OSBPL9: variants seen among roughly 807,000 people sequenced by gnomAD.
The protein encoded by OSBPL9 is oxysterol-binding protein-related protein 9.
A neutral mutation model predicts 106.6 loss-of-function variants in OSBPL9; 40 were observed. The observed-to-expected ratio is 0.38, with a 90% CI of 0.29 to 0.49. The LOEUF (loss-of-function observed/expected upper bound fraction) is 0.49. Among genes scored for constraint, OSBPL9 ranks in the 20% least tolerant of loss-of-function variants. OSBPL9 has a pLI of 0.97. For synonymous variants in OSBPL9, 269 were observed against 295.4 expected (o/e 0.91, Z 0.92); for missense variants, 609 against 887.2 (o/e 0.69, Z 3.98).
At chr1:51,713,980 T>A (rs770814594) in intron 3 of OSBPL9, 23 bp from the exon 4 acceptor site, 3 of 1,563,126 alleles carry the variant, frequency 1.9e-6, no homozygotes, top group Non-Finnish European at 2.6e-6. Flanking sequence ...CTTTTAATTT[T>A]AATGTATAAT....
At chr1:51,632,930 A>AT (rs1645197292) in intron 1 of OSBPL9, among the ~76,000 whole-genome samples, 1 of 152,050 alleles carries the variant, frequency 6.6e-6, no homozygotes, top group Admixed American at 6.5e-5. Flanking sequence ...GTTAGACTTG[A>AT]TTAAAAAAAA....
chr1:51,728,741 C>T (rs948261221), intron 4 of OSBPL9, among the ~76,000 whole-genome samples: 1 of 152,098 alleles, frequency 6.6e-6, no homozygotes, highest in Admixed American at 6.5e-5. Context: ...CTCCTGGCCT[C>T]GAATCCTCCC....
In OSBPL9 at chr1:51,729,783, G is replaced by A; in HGVS notation, c.318+15704G>A. On this transcript the variant is annotated intron_variant, in intron 4 of 23. Transcript: ENST00000428468. The surrounding 1 kb of genome is among the most constrained non-coding windows in gnomAD (Gnocchi z 5.1). The stretch of plus-strand genomic sequence containing the variant: ...GCCAGCCAATCGGGGCGACCCCTCC[G>A]CCGGGGAGGGGACGGGAAAGGGGTG... 8.2e-7 allele frequency: 1 copy of A among 1,219,726 alleles called. No individual in the cohort carries two copies. The allele number at this position is 1,219,726 out of a possible 1,614,324, so 75.6% of individuals were successfully genotyped here.
At chr1:51,776,773 TTA>T in intron 14 of OSBPL9, 58 bp from the exon 15 acceptor site, 72 of 1,113,604 alleles carry the variant, frequency 6.5e-5, no homozygotes, top group Non-Finnish European at 8.6e-5. Context: ...TTTTTTTTTT[TTA>T]GTCTGTTTAT....
intron 20 of OSBPL9, chr1:51,785,443 C>T (rs1304185254): frequency 5.0e-6 from 1 of 201,774 alleles, no homozygotes; most frequent in Admixed American, 5.9e-5. Context: ...CCCTGACCCC[C>T]AGTGCCCATG....
At chr1:51,589,038 A>G (rs1487599231) in intron 1 of OSBPL9, among the ~76,000 whole-genome samples, 1 of 152,040 alleles carries the variant, frequency 6.6e-6, no homozygotes, top group Non-Finnish European at 1.5e-5. Context: ...AGTGTTCTAT[A>G]TATTGATTGT....
In OSBPL9 at chr1:51,789,181, A is replaced by G. The variant is rs1387638345; in HGVS notation, c.*1392A>G. The G allele has an allele frequency of 6.5e-7, 1 of 1,533,634 alleles. No homozygotes were observed. Among genetic ancestry groups the G allele is most frequent in the African/African-American group, 1.4e-5 (1 of 73,226 alleles). On this transcript the variant is annotated 3_prime_UTR_variant, in exon 24 of 24. Transcript: ENST00000428468. ...TAGTATAACTAACTCCATAAAATACAAACAAACACATTTTAAAATACACAT... is the reference window on the plus strand; with the variant it reads ...TAGTATAACTAACTCCATAAAATACGAACAAACACATTTTAAAATACACAT...
intron 3 of OSBPL9, chr1:51,709,957 T>C (rs1659464127): frequency 6.6e-6 from 1 of 152,258 alleles, no homozygotes; most frequent in African/African-American, 2.4e-5. Context: ...TGCATATGTC[T>C]CCTCCATAGA....
At chr1:51,576,802 C>T (rs1263446310), upstream of OSBPL9, among the ~76,000 whole-genome samples, 2 of 152,184 alleles carry the variant, frequency 1.3e-5, no homozygotes, top group Admixed American at 6.5e-5. Flanking sequence ...ATTGGGATTA[C>T]AGGCATAAGC....
chr1:51,647,069 C>A (rs1484983128), intron 1 of OSBPL9, among the ~76,000 whole-genome samples: 1 of 152,078 alleles, frequency 6.6e-6, no homozygotes, highest in African/African-American at 2.4e-5. Context: ...TTCATAGATG[C>A]CCCTTATTAA....
At chr1:51,590,008 A>C (rs908409413) in intron 1 of OSBPL9, among the ~76,000 whole-genome samples, 2 of 141,754 alleles carry the variant, frequency 1.4e-5, no homozygotes, top group African/African-American at 2.7e-5. Flanking sequence ...ACTCCAGCCC[A>C]GGGAACAGTG....
At chr1:51,756,514 T>G (rs981614699) in intron 9 of OSBPL9, 156 bp downstream of exon 9, 23 of 655,204 alleles carry the variant, frequency 3.5e-5, no homozygotes, top group Non-Finnish European at 5.5e-5. Flanking sequence ...CTCCCTTCTT[T>G]CAGCAATCAT....
rs1368453523 is a variant in OSBPL9, at chr1:51,745,484, A to G, written c.319-52A>G. On this transcript the variant is annotated intron_variant, in intron 4 of 23. Transcript: ENST00000428468. The stretch of plus-strand genomic sequence containing the variant: ...TGAAGGGAAAAGTATTTTTTGTACT[A>G]TTAAACTTTGCTTGGGTTCTGGTAG... The G allele has an allele frequency of 1.4e-5, 22 of 1,585,406 alleles. No individual in the cohort carries two copies. The South Asian group carries it at 1.8e-4, about 13-fold the overall frequency.
the OSBPL9 span, among the ~76,000 whole-genome samples, chr1:51,554,681 G>A: frequency 6.6e-6 from 1 of 152,186 alleles, no homozygotes; most frequent in Non-Finnish European, 1.5e-5. Context: ...AGACTATGTG[G>A]CTGATTTTTG....
At chr1:51,574,629 T>A (rs1001272985), upstream of OSBPL9, among the ~76,000 whole-genome samples, 78 of 151,016 alleles carry the variant, frequency 5.2e-4, no homozygotes, top group African/African-American at 1.5e-3. Context: ...AAAAAAAAAA[T>A]AATAATAAAG....
At chr1:51,541,860 A>G in the OSBPL9 span, among the ~76,000 whole-genome samples, 1 of 151,988 alleles carries the variant, frequency 6.6e-6, no homozygotes, top group Non-Finnish European at 1.5e-5. Context: ...AGTAAACACA[A>G]ATTGAAAGCA....
chr1:51,522,877 A>G, the OSBPL9 span, among the ~76,000 whole-genome samples: 1 of 152,288 alleles, frequency 6.6e-6, no homozygotes, highest in South Asian at 2.1e-4. Context: ...ATAAGATACC[A>G]TTCTTCAAGA....
intron 3 of OSBPL9, among the ~76,000 whole-genome samples, chr1:51,701,947 T>C (rs917733320): frequency 1.3e-5 from 2 of 152,228 alleles, no homozygotes; most frequent in Non-Finnish European, 2.9e-5. Flanking sequence ...GGTTTCCAGC[T>C]TGATCCATGT....
At chr1:51,622,917 AC>A (rs146673231) in intron 1 of OSBPL9, among the ~76,000 whole-genome samples, 1 of 152,228 alleles carries the variant, frequency 6.6e-6, no homozygotes, top group Non-Finnish European at 1.5e-5. Flanking sequence ...CAAATTTTAA[AC>A]CACCACAATC....
Sources: allele counts gnomAD v4.1 joint callset (sites outside exome capture counted in the v4.1 genomes callset), GRCh38; gene constraint gnomAD v4.1.1; non-coding constraint Gnocchi (gnomAD v3.1); transcripts MANE v1.5; gene names NCBI Gene and HGNC (gene_info 2026-07-23, HGNC 2026-07-21).